Variants in ATP8A1 observed in about 807,000 individuals in gnomAD.
ATP8A1 encodes the protein phospholipid-transporting ATPase IA.
In ATP8A1, 90 loss-of-function variants were observed where a neutral mutation model predicts 177.7. The observed-to-expected ratio is 0.51, with a 90% confidence interval of 0.43 to 0.60. ATP8A1 has a LOEUF of 0.60. ATP8A1 is among the 20% of genes least tolerant of loss of function. ATP8A1 has a pLI of 0.00. For synonymous variants in ATP8A1, 493 were observed against 485.9 expected (o/e 1.01, Z -0.19); for missense variants, 1,072 against 1,392.8 (o/e 0.77, Z 3.67).
intron 24 of ATP8A1, among the ~76,000 whole-genome samples, chr4:42,489,216 G>A (rs1019222715): frequency 2.6e-5 from 4 of 152,118 alleles, no homozygotes; most frequent in African/African-American, 4.8e-5. Flanking sequence ...AACCTGAGAC[G>A]GACCTCAGGA....
chr4:42,521,653 C>T (rs1249988966), intron 22 of ATP8A1, among the ~76,000 whole-genome samples: 1 of 151,942 alleles, frequency 6.6e-6, no homozygotes, highest in Non-Finnish European at 1.5e-5. Flanking sequence ...AAAATGAGAA[C>T]ATTTACAGCT....
intron 15 of ATP8A1, among the ~76,000 whole-genome samples, chr4:42,563,867 G>A (rs1428616970): frequency 6.6e-6 from 1 of 152,218 alleles, no homozygotes; most frequent in Admixed American, 6.5e-5. Context: ...AGCCATGGCA[G>A]GTGGATCACC....
At chr4:42,472,373 C>A in intron 25 of ATP8A1, 1 of 368,356 alleles carries the variant, frequency 2.7e-6, no homozygotes, top group Non-Finnish European at 5.3e-6. Flanking sequence ...CCAGAGTTTC[C>A]ATTGTAAACA....
chr4:42,465,353 T>C (rs1270178216), intron 25 of ATP8A1, among the ~76,000 whole-genome samples: 1 of 152,202 alleles, frequency 6.6e-6, no homozygotes, highest in Non-Finnish European at 1.5e-5. Flanking sequence ...CAGAATGCCT[T>C]TACTTCCTAA....
intron 5 of ATP8A1, among the ~76,000 whole-genome samples, chr4:42,610,927 CA>C (rs1443655992): frequency 2.0e-5 from 3 of 152,218 alleles, no homozygotes; most frequent in Non-Finnish European, 1.5e-5. Flanking sequence ...AAAAAGGGAG[CA>C]ACACTCTCTT....
chr4:42,508,966 A>C (rs1724721479), intron 22 of ATP8A1, among the ~76,000 whole-genome samples: 1 of 152,260 alleles, frequency 6.6e-6, no homozygotes, highest in Admixed American at 6.5e-5. Context: ...CTATATATAC[A>C]AACATGCAAG....
At chr4:42,525,729 A>G (rs747112769) in intron 20 of ATP8A1, among the ~76,000 whole-genome samples, 1 of 152,292 alleles carries the variant, frequency 6.6e-6, no homozygotes, top group Non-Finnish European at 1.5e-5. Context: ...CCAGGAAAAA[A>G]TAAATCACTT....
At chr4:42,549,497 A>C (rs907751648) in intron 18 of ATP8A1, among the ~76,000 whole-genome samples, 1 of 152,160 alleles carries the variant, frequency 6.6e-6, no homozygotes, top group Admixed American at 6.5e-5. Flanking sequence ...TTAGAAAATG[A>C]TGGAAAAAGT....
intron 25 of ATP8A1, among the ~76,000 whole-genome samples, chr4:42,477,734 G>A (rs964199023): frequency 1.3e-5 from 2 of 151,788 alleles, no homozygotes; most frequent in Non-Finnish European, 2.9e-5. Context: ...CACTTTGGGA[G>A]GTCTAGGTGG....
chr4:42,551,511 G>T (rs532494071), intron 17 of ATP8A1, among the ~76,000 whole-genome samples: 1 of 152,284 alleles, frequency 6.6e-6, no homozygotes, highest in South Asian at 2.1e-4. Flanking sequence ...TTTCCGAAAT[G>T]TCAAGTCTCA....
intron 1 of ATP8A1, among the ~76,000 whole-genome samples, chr4:42,634,384 G>T (rs1739063779): frequency 6.6e-6 from 1 of 152,150 alleles, no homozygotes; most frequent in South Asian, 2.1e-4. Flanking sequence ...TACATGTATT[G>T]TTCAAATTAA....
At chr4:42,466,363 G>A (rs1047015530) in intron 25 of ATP8A1, among the ~76,000 whole-genome samples, 1 of 152,154 alleles carries the variant, frequency 6.6e-6, no homozygotes, top group African/African-American at 2.4e-5. Flanking sequence ...ACCACTTTGA[G>A]AGAATCGATA....
chr4:42,630,771 G>A (rs1738649360), intron 1 of ATP8A1, among the ~76,000 whole-genome samples: 1 of 152,162 alleles, frequency 6.6e-6, no homozygotes, highest in African/African-American at 2.4e-5. Context: ...CAATGGGTTT[G>A]AACTCCGTAT....
intron 30 of ATP8A1, among the ~76,000 whole-genome samples, chr4:42,449,466 C>T (rs1439730486): frequency 6.6e-6 from 1 of 152,172 alleles, no homozygotes; most frequent in Admixed American, 6.5e-5. Flanking sequence ...ACAGACTACT[C>T]TTTCAGAACT....
At chr4:42,468,820 TA>T (rs1179018506) in intron 25 of ATP8A1, among the ~76,000 whole-genome samples, 2 of 152,156 alleles carry the variant, frequency 1.3e-5, no homozygotes, top group Admixed American at 1.3e-4. Context: ...AATAAAAAAT[TA>T]AAACAAAAGA....
At position 42,626,989 on chromosome 4, in the gene ATP8A1, T is replaced by C. The variant is rs780323520; in HGVS notation, c.164+6A>G. 3.7e-6 allele frequency: 6 copies of C among 1,610,574 alleles called. No homozygotes were observed. In the Admixed American group the frequency reaches 1.0e-4, roughly 27 times the overall value. On this transcript the variant is annotated splice_donor_region_variant and intron_variant, in intron 2 of 36. Coordinates refer to ENST00000381668, the MANE Select transcript of ATP8A1 (RefSeq NM_006095.2). ...TGGTCTCATGGCATTCTTTGGTAGTTCTTACCTGACATGGTTATTGCAGAA... is the reference window on the plus strand; with the variant it reads ...TGGTCTCATGGCATTCTTTGGTAGTCCTTACCTGACATGGTTATTGCAGAA...
rs778022629 is a variant in ATP8A1 at position 42,448,396 on chromosome 4, C to CTTTACTTTTTTT, written c.2897-1753_2897-1752insAAAAAAAGTAAA. 1.3e-3 allele frequency among the ~76,000 whole-genome samples: 111 copies of CTTTACTTTTTTT among 84,130 alleles called. 18 individuals are homozygous for CTTTACTTTTTTT. Among genetic ancestry groups the CTTTACTTTTTTT allele is most frequent in the Middle Eastern group, 0.013 (1 of 80 alleles). The allele number at this position is 84,130 out of a possible 152,430, so 55.2% of individuals were successfully genotyped here. A position where few individuals can be genotyped will look rare whatever the true frequency, so the allele number is the denominator to read the frequency against. On this transcript the variant is annotated intron_variant, in intron 30 of 36. Transcript: ENST00000381668. Reference sequence around the variant, plus strand: ...GTAGCCTCCCTCCCTCCTTCTCTTTCTTTTCTTTTTTTTTTTTTTGAGATG... The same window carrying CTTTACTTTTTTT: ...GTAGCCTCCCTCCCTCCTTCTCTTTCTTTACTTTTTTTTTTTCTTTTTTTTTTTTTTGAGATG...
chr4:42,647,880 A>C (rs1345229207), intron 1 of ATP8A1, among the ~76,000 whole-genome samples: 1 of 152,176 alleles, frequency 6.6e-6, no homozygotes, highest in Non-Finnish European at 1.5e-5. Context: ...AGCAGATAGA[A>C]ATGAACCATT....
intron 20 of ATP8A1, among the ~76,000 whole-genome samples, chr4:42,542,541 CCAT>C (rs1728511100): frequency 6.6e-6 from 1 of 152,030 alleles, no homozygotes; most frequent in Non-Finnish European, 1.5e-5. Context: ...TTTGCTGCTC[CCAT>C]CAACTCATCA....
Sources: allele counts gnomAD v4.1 joint callset (sites outside exome capture counted in the v4.1 genomes callset), GRCh38; gene constraint gnomAD v4.1.1; transcripts MANE v1.5; gene names NCBI Gene and HGNC (gene_info 2026-07-23, HGNC 2026-07-21).